CABP1: variants seen among roughly 807,000 people sequenced by gnomAD.
The protein encoded by CABP1 is calcium-binding protein 1.
A neutral mutation model predicts 34.3 loss-of-function variants in CABP1; 17 were observed. That is an observed-to-expected ratio of 0.50 (90% CI 0.34 to 0.74). The LOEUF (loss-of-function observed/expected upper bound fraction) is 0.74. Ranked by LOEUF, CABP1 falls within the 30% of genes least tolerant of loss-of-function variation. The pLI is 0.01. For synonymous variants in CABP1, 198 were observed against 229.2 expected, an observed-to-expected ratio of 0.86 and a Z score of 1.23; for missense variants, 373 against 511.1, an observed-to-expected ratio of 0.73 and a Z score of 2.61.
Position 120,660,017 on chromosome 12 carries a change from G to A in CABP1, c.685+109G>A. On this transcript the variant is annotated intron_variant, in intron 2 of 5. Transcript: ENST00000316803. The surrounding 1 kb of genome is among the most constrained non-coding windows in gnomAD (Gnocchi z 5.0). The stretch of plus-strand genomic sequence containing the variant: ...TGGAAATGGGGCCTGGTGCAACGCG[G>A]GGTATCTTCTGTGAAACCAGCTGCT... 2 of 1,302,222 alleles carry A rather than the reference G, an allele frequency of 1.5e-6. No homozygotes were observed. Among genetic ancestry groups the A allele is most frequent in the South Asian group, 2.6e-5 (2 of 76,718 alleles). The allele number at this position is 1,302,222 out of a possible 1,614,324, so 80.7% of individuals were successfully genotyped here.
downstream of CABP1, among the ~76,000 whole-genome samples, chr12:120,670,275 G>A (rs550884286): frequency 2.5e-4 from 38 of 152,292 alleles, no homozygotes; most frequent in African/African-American, 7.5e-4. Context: ...GATTACAGGC[G>A]TGAGCCACAG....
chr12:120,673,654 A>G, the CABP1 span, among the ~76,000 whole-genome samples: 1 of 152,128 alleles, frequency 6.6e-6, no homozygotes, highest in African/African-American at 2.4e-5. Context: ...CTGGTTTCCA[A>G]TCTGAGCTCT....
At chr12:120,656,718 A>C (rs552318959) in intron 1 of CABP1, among the ~76,000 whole-genome samples, 2 of 152,298 alleles carry the variant, frequency 1.3e-5, no homozygotes, top group East Asian at 3.9e-4. Flanking sequence ...CAACATGGTG[A>C]AACCCCATCT....
chr12:120,641,458 C>A lies in CABP1; in HGVS notation c.654+119C>A. ...TGGTCCCCCACGGATCACGCCTCGG[C>A]TCACCTCGTCCTCCCCGGGCCGGCG... is the stretch of plus-strand genomic sequence containing the variant. On this transcript the variant is annotated intron_variant, in intron 1 of 5. Transcript: ENST00000316803. The surrounding 1 kb of genome is among the most constrained non-coding windows in gnomAD (Gnocchi z 6.7). 1.8e-6 allele frequency: 2 copies of A among 1,100,696 alleles called. No homozygotes were observed. Among genetic ancestry groups the A allele is most frequent in the South Asian group, 4.5e-5 (1 of 22,264 alleles). 68.2% of individuals were successfully genotyped at this position (1,100,696 alleles called of 1,614,324 possible). A position where few individuals can be genotyped will look rare whatever the true frequency, so the allele number is the denominator to read the frequency against.
At chr12:120,650,785 T>A in intron 1 of CABP1, 1 of 1,178,038 alleles carries the variant, frequency 8.5e-7, no homozygotes, top group Non-Finnish European at 1.3e-6. Context: ...CTTGCTATCC[T>A]TCCCAGGGGT....
At chr12:120,656,942 G>A (rs1413798507) in intron 1 of CABP1, among the ~76,000 whole-genome samples, 1 of 152,124 alleles carries the variant, frequency 6.6e-6, no homozygotes, top group African/African-American at 2.4e-5. Context: ...TCACATGCTC[G>A]AGGTAACAGC....
At chr12:120,664,563 A>G (rs1437107704) in intron 5 of CABP1, among the ~76,000 whole-genome samples, 1 of 152,150 alleles carries the variant, frequency 6.6e-6, no homozygotes, top group Non-Finnish European at 1.5e-5. Context: ...ACAATGGGAT[A>G]TTGCTCAGTG....
At position 120,640,660 on chromosome 12, in the gene CABP1, T is replaced by C; in HGVS notation, c.-26T>C. The C allele has an allele frequency of 4.6e-6, 5 of 1,097,048 alleles. No homozygotes were observed. The highest frequency in any genetic ancestry group is 4.4e-6 in the Non-Finnish European group (4 of 904,034). 68.0% of individuals were successfully genotyped at this position (1,097,048 alleles called of 1,614,324 possible). On this transcript the variant is annotated 5_prime_UTR_variant, in exon 1 of 6. Transcript: ENST00000316803. The surrounding 1 kb of genome is among the most constrained non-coding windows in gnomAD (Gnocchi z 6.2). ...CCGCCAGCCGCCGGGAGCTCCGGGC[T>C]CCGGGCGTAGAGGCTGCGCTGTCAC...
At chr12:120,656,298 C>G in intron 1 of CABP1, 1 of 1,514,170 alleles carries the variant, frequency 6.6e-7, no homozygotes, top group Non-Finnish European at 8.9e-7. Context: ...CAGTGGAGCC[C>G]GCTGAACTTG....
chr12:120,656,215 C>T lies in CABP1; in HGVS notation c.655-3663C>T, dbSNP rs780553903. The T allele has an allele frequency of 6.9e-6, 11 of 1,594,070 alleles. No homozygotes were observed. The South Asian group carries it at 1.1e-4, about 16-fold the overall frequency. On this transcript the variant is annotated intron_variant, in intron 1 of 5. Transcript: ENST00000316803. The stretch of plus-strand genomic sequence containing the variant: ...CCCAGAACTGCGCAGTCATGCACAA[C>T]CTGCTGGGCCCTGCCTGCATTTTCC...
the CABP1 span, among the ~76,000 whole-genome samples, chr12:120,678,747 G>A: frequency 5.3e-5 from 8 of 152,194 alleles, no homozygotes; most frequent in Non-Finnish European, 7.4e-5. Context: ...ACTTAGCTAC[G>A]TGCTCAATGG....
intron 1 of CABP1, among the ~76,000 whole-genome samples, chr12:120,647,984 G>T (rs967398513): frequency 3.3e-5 from 5 of 152,152 alleles, no homozygotes; most frequent in Admixed American, 6.5e-5. Context: ...ATTGGAGACA[G>T]AATTAAGTTA....
Position 120,659,920 on chromosome 12 carries a change from C to T in CABP1, c.685+12C>T. ...AGAGGAAATTGAAGGTAAAACTTGG[C>T]CCCTTGGGGGAAAGGACTGCCTAGC... On this transcript the variant is annotated intron_variant, in intron 2 of 5. Transcript: ENST00000316803. 1 of 1,613,336 alleles carries T rather than the reference C, an allele frequency of 6.2e-7. No individual in the cohort carries two copies. Among genetic ancestry groups the T allele is most frequent in the Non-Finnish European group, 8.5e-7 (1 of 1,179,512 alleles).
chr12:120,678,337 C>T, the CABP1 span, among the ~76,000 whole-genome samples: 2 of 152,280 alleles, frequency 1.3e-5, no homozygotes, highest in South Asian at 2.1e-4. Context: ...AATTGCCTCT[C>T]GGGGCTCAAA....
the CABP1 span, among the ~76,000 whole-genome samples, chr12:120,675,187 G>A: frequency 3.3e-5 from 5 of 151,924 alleles, no homozygotes; most frequent in African/African-American, 1.2e-4. Flanking sequence ...CAAGTAGCTG[G>A]GATTACAGGT....
At chr12:120,655,826 CGTGCGTGTGTGT>C in intron 1 of CABP1, 5 of 1,417,478 alleles carry the variant, frequency 3.5e-6, no homozygotes, top group South Asian at 2.6e-5. Context: ...CCAGTGCGTG[CGTGCGTGTGTGT>C]GTGTGTGTGT....
intron 1 of CABP1, among the ~76,000 whole-genome samples, chr12:120,648,013 C>CAGTTATG (rs1879631243): frequency 6.6e-6 from 1 of 152,124 alleles, no homozygotes; most frequent in Non-Finnish European, 1.5e-5. Flanking sequence ...GGGGAAGCTC[C>CAGTTATG]CCAGTTATGC....
At chr12:120,659,716 G>A in intron 1 of CABP1, 162 bp from the exon 2 acceptor site, 1 of 605,922 alleles carries the variant, frequency 1.7e-6, no homozygotes, top group Non-Finnish European at 2.9e-6. Context: ...GGGAGATGTG[G>A]GGCTTTCTTC....
chr12:120,673,648 T>C, the CABP1 span, among the ~76,000 whole-genome samples: 2 of 152,156 alleles, frequency 1.3e-5, no homozygotes, highest in East Asian at 3.9e-4. Flanking sequence ...AGCTATCTGG[T>C]TTCCAATCTG....
Sources: gnomAD v4.1 joint callset for allele counts (sites outside exome capture counted in the v4.1 genomes callset) on GRCh38, gnomAD v4.1.1 for gene constraint, Gnocchi (gnomAD v3.1) non-coding constraint, MANE v1.5 for transcripts, NCBI Gene and HGNC (gene_info 2026-07-23, HGNC 2026-07-21) for gene names.